Variants in COL4A2 observed in about 807,000 individuals in gnomAD.
The protein encoded by COL4A2 is collagen type IV alpha 2 chain, also known as collagen alpha-2(IV) chain.
Under a neutral mutation model 200.2 loss-of-function variants are expected in COL4A2, and 99 were observed. The ratio of observed to expected loss-of-function variants is 0.49; its 90% CI spans 0.42 to 0.58. The LOEUF (loss-of-function observed/expected upper bound fraction) is 0.58. Ranked by LOEUF, COL4A2 falls within the 20% of genes least tolerant of loss-of-function variation. COL4A2 has a pLI of 0.00. For synonymous variants in COL4A2, 897 were observed against 900.6 expected (o/e 1.00, Z 0.07); for missense variants, 1,950 against 2,314.1 (o/e 0.84, Z 3.23).
At chr13:110,427,111 T>G (rs1372757617) in intron 6 of COL4A2, among the ~76,000 whole-genome samples, 1 of 152,226 alleles carries the variant, frequency 6.6e-6, no homozygotes, top group Non-Finnish European at 1.5e-5. Flanking sequence ...TACGGAGAAC[T>G]ATATGTAGGA....
At chr13:110,450,727 G>A (rs570623130) in intron 20 of COL4A2, among the ~76,000 whole-genome samples, 17 of 152,316 alleles carry the variant, frequency 1.1e-4, no homozygotes, top group East Asian at 5.8e-4. Context: ...CTGCAGCTTC[G>A]GTGAAATCCA....
intron 3 of COL4A2, among the ~76,000 whole-genome samples, chr13:110,343,388 T>C (rs1354434767): frequency 6.6e-6 from 1 of 152,122 alleles, no homozygotes; most frequent in Non-Finnish European, 1.5e-5. Flanking sequence ...GAGAAAAAAC[T>C]ACCGAGTGTG....
chr13:110,335,217 G>A (rs1397261517), intron 3 of COL4A2, among the ~76,000 whole-genome samples: 4 of 152,150 alleles, frequency 2.6e-5, no homozygotes, highest in Non-Finnish European at 5.9e-5. Context: ...TCCAACACAG[G>A]CGACTCCTGA....
In COL4A2 at chr13:110,307,819, C is replaced by T; in HGVS notation, c.-44-41C>T. ...GACCGGCGGTGAGGATGGGCTGCCT[C>T]CCTCATCCTGCGCTAAACTCGCTTT... is the stretch of plus-strand genomic sequence containing the variant. On this transcript the variant is annotated intron_variant, in intron 1 of 47. Coordinates refer to ENST00000360467, the MANE Select transcript of COL4A2 (RefSeq NM_001846.4). The surrounding 1 kb of genome is among the most constrained non-coding windows in gnomAD (Gnocchi z 5.0). 4.0e-6 allele frequency: 6 copies of T among 1,499,826 alleles called. No homozygotes were observed. The highest frequency in any genetic ancestry group is 4.5e-6 in the Non-Finnish European group (5 of 1,110,790). The allele number at this position is 1,499,826 out of a possible 1,614,324, so 92.9% of individuals were successfully genotyped here.
chr13:110,356,305 C>G (rs930464185), intron 3 of COL4A2, among the ~76,000 whole-genome samples: 1 of 152,310 alleles, frequency 6.6e-6, no homozygotes, highest in Non-Finnish European at 1.5e-5. Flanking sequence ...CATTCCTCCT[C>G]CTTACTGAGC....
At position 110,473,044 on chromosome 13, in the gene COL4A2, T is replaced by C. The variant is rs1882540313; in HGVS notation, c.2319T>C (p.Pro773=). 2.0e-6 allele frequency: 3 copies of C among 1,519,200 alleles called. No individual in the cohort carries two copies. Among genetic ancestry groups the C allele is most frequent in the African/African-American group, 1.4e-5 (1 of 71,418 alleles). The allele number at this position is 1,519,200 out of a possible 1,614,324, so 94.1% of individuals were successfully genotyped here. A position where few individuals can be genotyped will look rare whatever the true frequency, so the allele number is the denominator to read the frequency against. Residue 773 remains proline (P), a synonymous_variant, in exon 29 of 48, where the codon CCT becomes CCC. Coordinates refer to ENST00000360467, the MANE Select transcript of COL4A2 (RefSeq NM_001846.4). ...GGCCCCCTGGGGAAAGGGGCCTCCCTGGAGAAGTCCTGGGAGCTCAGCCCG... is the reference window on the plus strand; with the variant it reads ...GGCCCCCTGGGGAAAGGGGCCTCCCCGGAGAAGTCCTGGGAGCTCAGCCCG... ...PDGPPGERGL[P]GEVLGAQPGP... is the part of the protein sequence containing the mutation.
At chr13:110,469,674 T>A (rs773806740) in intron 28 of COL4A2, among the ~76,000 whole-genome samples, 2 of 152,174 alleles carry the variant, frequency 1.3e-5, no homozygotes, top group Non-Finnish European at 2.9e-5. Context: ...GAAAGAACCC[T>A]TAAAGGCATA....
intron 4 of COL4A2, among the ~76,000 whole-genome samples, chr13:110,418,971 A>T (rs1880145274): frequency 2.6e-5 from 4 of 152,242 alleles, no homozygotes; most frequent in Admixed American, 2.6e-4. Flanking sequence ...TCTAGAGCCT[A>T]AAAAGTAGTC....
chr13:110,509,788 C>G (rs1338183352), intron 47 of COL4A2, among the ~76,000 whole-genome samples: 1 of 152,194 alleles, frequency 6.6e-6, no homozygotes, highest in East Asian at 1.9e-4. Flanking sequence ...AAGCCTGGAA[C>G]TTGACATCCC....
chr13:110,416,579 T>C (rs1214133328), intron 4 of COL4A2, among the ~76,000 whole-genome samples: 1 of 152,220 alleles, frequency 6.6e-6, no homozygotes, highest in Non-Finnish European at 1.5e-5. Context: ...CAACCACCCA[T>C]GTGCTGCCTA....
intron 15 of COL4A2, among the ~76,000 whole-genome samples, 185 bp downstream of exon 15, chr13:110,438,853 T>C (rs539141067): frequency 7.7e-6 from 1 of 129,330 alleles, no homozygotes; most frequent in East Asian, 2.2e-4. Context: ...CATCTAGCAC[T>C]GGGGGCTGCG....
At chr13:110,497,488 A>G (rs79539298) in intron 40 of COL4A2, among the ~76,000 whole-genome samples, 248 of 139,856 alleles carry the variant, frequency 1.8e-3, no homozygotes, top group African/African-American at 6.5e-3. Context: ...TCCACTCAGG[A>G]CTGAGGATTT....
chr13:110,462,504 C>T, intron 24 of COL4A2, 120 bp downstream of exon 24: 2 of 775,250 alleles, frequency 2.6e-6, no homozygotes, highest in African/African-American at 1.7e-5. Context: ...ATAGGACAGG[C>T]TGCTCATTCT....
chr13:110,393,082 G>A lies in COL4A2; in HGVS notation c.181-31652G>A, dbSNP rs1879048502. ...CCCCCTGGTGTCGCCCACCTGGGAGGATTGGCCCACGGTGGTGCTGAAGGC... is the reference window on the plus strand; with the variant it reads ...CCCCCTGGTGTCGCCCACCTGGGAGAATTGGCCCACGGTGGTGCTGAAGGC... On this transcript the variant is annotated intron_variant, in intron 4 of 47. Transcript: ENST00000360467. Among the ~76,000 whole-genome samples, 5 of 152,300 alleles carry A rather than the reference G, an allele frequency of 3.3e-5. 1 individual carries two copies. The South Asian group carries it at 1.0e-3, about 32-fold the overall frequency.
intron 34 of COL4A2, among the ~76,000 whole-genome samples, chr13:110,488,067 C>G (rs1209930947): frequency 1.3e-5 from 2 of 152,198 alleles, no homozygotes; most frequent in East Asian, 3.9e-4. Context: ...CACTCTGTCA[C>G]CCAGGCTGGA....
chr13:110,493,082 G>A (rs1215696474), intron 38 of COL4A2, 129 bp from the exon 39 acceptor site: 2 of 1,020,632 alleles, frequency 2.0e-6, no homozygotes, highest in Non-Finnish European at 3.1e-6. Flanking sequence ...CACCCCCATG[G>A]GTGAAATAAC....
chr13:110,490,252 C>T (rs755816558), intron 36 of COL4A2, among the ~76,000 whole-genome samples: 1 of 152,222 alleles, frequency 6.6e-6, no homozygotes, highest in Non-Finnish European at 1.5e-5. Flanking sequence ...GGGCCTGGGG[C>T]GGCACAGTGC....
intron 4 of COL4A2, among the ~76,000 whole-genome samples, chr13:110,387,896 G>A (rs978904785): frequency 6.6e-6 from 1 of 152,166 alleles, no homozygotes; most frequent in Non-Finnish European, 1.5e-5. Flanking sequence ...GGGACAGTTC[G>A]GTGTGTGTTA....
At position 110,490,060 on chromosome 13, in the gene COL4A2, A is replaced by G. The variant is rs180870428; in HGVS notation, c.3346+275A>G. On this transcript the variant is annotated intron_variant, in intron 36 of 47. Transcript: ENST00000360467. Reference sequence around the variant, plus strand: ...GTGGATGAGAATCACTGCAGTCCATAAAGTGTAACTGATGAAAAGCCAGCT... The same window carrying G: ...GTGGATGAGAATCACTGCAGTCCATGAAGTGTAACTGATGAAAAGCCAGCT... Among the ~76,000 whole-genome samples, 269 of 152,334 alleles carry G rather than the reference A, an allele frequency of 1.8e-3. 1 individual carries two copies. Among genetic ancestry groups the G allele is most frequent in the Admixed American group, 2.7e-3 (41 of 15,312 alleles).
Sources: allele counts gnomAD v4.1 joint callset (sites outside exome capture counted in the v4.1 genomes callset), GRCh38; gene constraint gnomAD v4.1.1; non-coding constraint Gnocchi (gnomAD v3.1); transcripts MANE v1.5; gene names NCBI Gene and HGNC (gene_info 2026-07-23, HGNC 2026-07-21).